The following AGBL1 variants were observed in gnomAD, a reference collection of about 807,000 sequenced individuals.
AGBL1 encodes cytosolic carboxypeptidase 4.
In AGBL1, 130 loss-of-function variants were observed where a neutral mutation model predicts 118.9. The observed-to-expected ratio is 1.09, with a 90% CI of 0.95 to 1.26. AGBL1 has a LOEUF of 1.26. AGBL1 is among the 50% of genes most tolerant of loss of function. The pLI is 0.00. For missense variants in AGBL1, 1,584 were observed against 1,298.1 expected (o/e 1.22, Z -3.38); for synonymous variants, 555 against 478.9 (o/e 1.16, Z -2.08).
chr15:86,653,467 A>G (rs1469525996), intron 21 of AGBL1, among the ~76,000 whole-genome samples: 1 of 152,176 alleles, frequency 6.6e-6, no homozygotes, highest in Non-Finnish European at 1.5e-5. Flanking sequence ...ATAATCCAAT[A>G]AAACCTTCAC....
chr15:86,941,954 C>A (rs1430901785), intron 23 of AGBL1, among the ~76,000 whole-genome samples: 1 of 152,154 alleles, frequency 6.6e-6, no homozygotes, highest in Non-Finnish European at 1.5e-5. Context: ...TTTATTTCAA[C>A]AAGGCAGTAA....
In AGBL1 at chr15:86,767,243, G is replaced by A. The variant is rs561533552; in HGVS notation, c.3158+92807G>A. 1.8e-4 allele frequency among the ~76,000 whole-genome samples: 28 copies of A among 151,934 alleles called. No homozygotes were observed. The South Asian group carries it at 3.3e-3, about 18-fold the overall frequency. ...ACTAGATAGCCTAAACTTAACCTCC[G>A]GTCATCACTCTAGTAGCAAATGCAG... On this transcript the variant is annotated intron_variant, in intron 22 of 22. Coordinates refer to ENST00000614907, the MANE Select transcript of AGBL1 (RefSeq NM_001386094.1).
chr15:86,146,681 A>G (rs570378251), intron 3 of AGBL1, among the ~76,000 whole-genome samples: 8 of 152,316 alleles, frequency 5.3e-5, no homozygotes, highest in African/African-American at 1.9e-4. Flanking sequence ...TTACATCACC[A>G]CAGTTTCTGC....
chr15:86,927,337 C>A (rs1353070667), intron 23 of AGBL1, among the ~76,000 whole-genome samples: 1 of 151,780 alleles, frequency 6.6e-6, no homozygotes, highest in Admixed American at 6.6e-5. Context: ...TCCTGGAAGC[C>A]CAGCACTTTG....
intron 22 of AGBL1, among the ~76,000 whole-genome samples, chr15:86,731,170 A>T (rs2077522273): frequency 6.6e-6 from 1 of 152,160 alleles, no homozygotes; most frequent in African/African-American, 2.4e-5. Context: ...GAGAAAAGAC[A>T]TGAATTATGT....
At chr15:86,385,472 A>G (rs2081170709) in intron 17 of AGBL1, among the ~76,000 whole-genome samples, 1 of 152,202 alleles carries the variant, frequency 6.6e-6, no homozygotes. Context: ...CAAGATCTCC[A>G]GAGGATTCAC....
At chr15:86,275,387 A>T (rs1192856651) in intron 15 of AGBL1, among the ~76,000 whole-genome samples, 1 of 152,242 alleles carries the variant, frequency 6.6e-6, no homozygotes, top group African/African-American at 2.4e-5. Flanking sequence ...CTGCAGACAC[A>T]GGGAAGTCTG....
At chr15:86,410,833 T>TATATATATATATATAC in intron 18 of AGBL1, among the ~76,000 whole-genome samples, 1 of 106,264 alleles carries the variant, frequency 9.4e-6, no homozygotes, top group African/African-American at 4.2e-5. Context: ...TATATATATA[T>TATATATATATATATAC]ATATATATAA....
At chr15:86,825,080 CA>C (rs1012506914) in intron 22 of AGBL1, among the ~76,000 whole-genome samples, 1 of 151,512 alleles carries the variant, frequency 6.6e-6, no homozygotes, top group African/African-American at 2.4e-5. Context: ...ACAAACAAAA[CA>C]AAAAACAAAC....
intron 22 of AGBL1, among the ~76,000 whole-genome samples, chr15:86,784,462 T>C (rs1158196966): frequency 6.6e-6 from 1 of 152,200 alleles, no homozygotes. Context: ...AATCCCTGGG[T>C]AGCTCGTTAT....
chr15:86,393,853 G>A (rs2081323751), intron 17 of AGBL1, among the ~76,000 whole-genome samples: 1 of 152,158 alleles, frequency 6.6e-6, no homozygotes, highest in South Asian at 2.1e-4. Flanking sequence ...ATTAGGTCAT[G>A]AGGGTAGTGC....
At chr15:86,885,096 AAT>A (rs2079951478) in intron 22 of AGBL1, among the ~76,000 whole-genome samples, 1 of 138,982 alleles carries the variant, frequency 7.2e-6, no homozygotes, top group Non-Finnish European at 1.5e-5. Context: ...AACCTAGTTT[AAT>A]TATATATAAT....
At chr15:86,431,967 T>TCCAG (rs1156675890) in intron 18 of AGBL1, among the ~76,000 whole-genome samples, 2 of 152,108 alleles carry the variant, frequency 1.3e-5, no homozygotes, top group African/African-American at 4.8e-5. Context: ...GAATCCCCTC[T>TCCAG]CCAGCCAGCC....
At chr15:86,542,866 A>G (rs71399900) in intron 19 of AGBL1, among the ~76,000 whole-genome samples, 6,219 of 152,224 alleles carry the variant, frequency 0.041, 171 homozygotes, top group Middle Eastern at 0.088. Flanking sequence ...TTGTATTTGC[A>G]TACTATATTT....
At chr15:86,474,762 C>A (rs527311994) in intron 18 of AGBL1, among the ~76,000 whole-genome samples, 1 of 151,926 alleles carries the variant, frequency 6.6e-6, no homozygotes, top group Non-Finnish European at 1.5e-5. Context: ...GACCTGAGAA[C>A]GGACAGACTG....
chr15:86,496,959 C>A (rs1176095831), intron 18 of AGBL1, among the ~76,000 whole-genome samples: 1 of 151,926 alleles, frequency 6.6e-6, no homozygotes, highest in Non-Finnish European at 1.5e-5. Context: ...TTTTGATATA[C>A]ATATACAGTG....
In AGBL1 at chr15:86,269,967, C is replaced by T. The variant is rs780389707; in HGVS notation, c.1887C>T (p.His629=). The T allele has an allele frequency of 4.3e-6, 7 of 1,613,914 alleles. No homozygotes were observed. Among genetic ancestry groups the T allele is most frequent in the Non-Finnish European group, 5.9e-6 (7 of 1,179,876 alleles). ...LVNADVNSTQ[H]QQWFYFKVSG... ...ACGCAGATGTGAATAGCACCCAGCACCAGCAGTGGTTCTATTTCAAAGTGA... is the reference window on the plus strand; with the variant it reads ...ACGCAGATGTGAATAGCACCCAGCATCAGCAGTGGTTCTATTTCAAAGTGA... The change falls in exon 14 of 23, where the codon CAC becomes CAT. Residue 629 remains histidine (H), a synonymous_variant. Coordinates refer to ENST00000614907, the MANE Select transcript of AGBL1 (RefSeq NM_001386094.1).
At chr15:86,679,761 T>A (rs1003722757) in intron 22 of AGBL1, among the ~76,000 whole-genome samples, 1 of 152,176 alleles carries the variant, frequency 6.6e-6, no homozygotes, top group Non-Finnish European at 1.5e-5. Flanking sequence ...AAAGTCCAGA[T>A]TAGATGATTA....
At chr15:86,975,003 T>C (rs1175243698) in intron 23 of AGBL1, among the ~76,000 whole-genome samples, 1 of 151,902 alleles carries the variant, frequency 6.6e-6, no homozygotes. Flanking sequence ...CTAAAATAAG[T>C]GGTTTTGGGG....
Sources: gnomAD v4.1 joint callset for allele counts (sites outside exome capture counted in the v4.1 genomes callset) on GRCh38, gnomAD v4.1.1 for gene constraint, MANE v1.5 for transcripts, NCBI Gene and HGNC (gene_info 2026-07-23, HGNC 2026-07-21) for gene names.